FCHSD2: variants seen among roughly 807,000 people sequenced by gnomAD.
FCHSD2 encodes the protein F-BAR and double SH3 domains protein 2.
In FCHSD2, 38 loss-of-function variants were observed where a neutral mutation model predicts 108.1. The ratio of observed to expected loss-of-function variants is 0.35; its 90% CI spans 0.27 to 0.46. The LOEUF (loss-of-function observed/expected upper bound fraction) is 0.46. Ranked by LOEUF, FCHSD2 falls within the 20% of genes least tolerant of loss-of-function variation. The pLI is 1.00. For synonymous variants in FCHSD2, 279 were observed against 314.7 expected (o/e 0.89, Z 1.20); for missense variants, 751 against 897.8 (o/e 0.84, Z 2.09).
At chr11:73,074,079 G>T (rs181855206) in intron 3 of FCHSD2, among the ~76,000 whole-genome samples, 117 of 152,280 alleles carry the variant, frequency 7.7e-4, no homozygotes, top group South Asian at 6.2e-3. Context: ...TTAAAACAGT[G>T]TGATATCGGG....
intron 2 of FCHSD2, among the ~76,000 whole-genome samples, chr11:73,113,327 T>A (rs368517276): frequency 6.7e-6 from 1 of 149,810 alleles, no homozygotes; most frequent in East Asian, 2.0e-4. Context: ...CTTAGTTTGG[T>A]TGATCATCAT....
Position 72,906,904 on chromosome 11 carries a change from C to T in FCHSD2, c.829-4266G>A, listed in dbSNP as rs185411176. Among the ~76,000 whole-genome samples, 340 of 152,242 alleles carry T rather than the reference C, an allele frequency of 2.2e-3. 3 individuals are homozygous for T. Among genetic ancestry groups the T allele is most frequent in the Admixed American group, 0.012 (180 of 15,290 alleles). On this transcript the variant is annotated intron_variant, in intron 9 of 19. Transcript: ENST00000409418. ...TTTGCTTAGGATTGTCTTGGCTATG[C>T]GGGCTCTTTTTCGGTTCCATATGAA...
intron 2 of FCHSD2, among the ~76,000 whole-genome samples, chr11:73,136,284 G>T (rs1861118626): frequency 1.3e-5 from 2 of 151,670 alleles, no homozygotes; most frequent in African/African-American, 4.8e-5. Flanking sequence ...TTTTTTCAAT[G>T]ATATAAAAAC....
intron 5 of FCHSD2, among the ~76,000 whole-genome samples, chr11:72,997,575 T>C (rs1241728372): frequency 4.6e-5 from 7 of 152,204 alleles, no homozygotes; most frequent in African/African-American, 1.7e-4. Flanking sequence ...TAGAGATCAG[T>C]AGTAACATGT....
chr11:73,070,381 C>T lies in FCHSD2; in HGVS notation c.165+13314G>A, dbSNP rs186520050. Reference sequence around the variant, plus strand: ...TTGACATCCCTAGAACCTAGCATCACGCCAGTCGTAAAGTAGATACTTGAT... The same window carrying T: ...TTGACATCCCTAGAACCTAGCATCATGCCAGTCGTAAAGTAGATACTTGAT... On this transcript the variant is annotated intron_variant, in intron 3 of 19. Transcript: ENST00000409418. 4.6e-3 allele frequency among the ~76,000 whole-genome samples: 699 copies of T among 152,206 alleles called. 2 individuals are homozygous for T. The highest frequency in any genetic ancestry group is 8.4e-3 in the Non-Finnish European group (574 of 67,998).
At chr11:72,875,804 C>A (rs186333490) in intron 12 of FCHSD2, among the ~76,000 whole-genome samples, 1 of 152,294 alleles carries the variant, frequency 6.6e-6, no homozygotes, top group Non-Finnish European at 1.5e-5. Context: ...GCTAGTGGGG[C>A]ATTTGCCAAT....
chr11:73,013,966 T>C (rs888398491), intron 4 of FCHSD2, among the ~76,000 whole-genome samples: 13 of 152,128 alleles, frequency 8.5e-5, no homozygotes, highest in Non-Finnish European at 1.3e-4. Flanking sequence ...CTTCTTAGGC[T>C]GATTTCCTTA....
chr11:72,860,239 C>A (rs1027141531), intron 13 of FCHSD2, among the ~76,000 whole-genome samples: 2 of 152,168 alleles, frequency 1.3e-5, no homozygotes, highest in Non-Finnish European at 2.9e-5. Flanking sequence ...GTAAAAGGTT[C>A]GTTCCAGTCT....
chr11:72,973,235 C>A (rs1330456159), intron 8 of FCHSD2, among the ~76,000 whole-genome samples: 1 of 152,000 alleles, frequency 6.6e-6, no homozygotes, highest in Non-Finnish European at 1.5e-5. Context: ...GGTGTGGTGG[C>A]ATGTGCCTGT....
At chr11:73,052,047 T>A (rs1858915309) in intron 3 of FCHSD2, among the ~76,000 whole-genome samples, 1 of 152,162 alleles carries the variant, frequency 6.6e-6, no homozygotes, top group Non-Finnish European at 1.5e-5. Flanking sequence ...GTTAATGACA[T>A]GGAAGACCAA....
At chr11:73,117,739 G>A (rs1335746831) in intron 2 of FCHSD2, among the ~76,000 whole-genome samples, 1 of 152,150 alleles carries the variant, frequency 6.6e-6, no homozygotes, top group Non-Finnish European at 1.5e-5. Flanking sequence ...GCCGCCATTA[G>A]ATTCTGCCAC....
At chr11:73,036,288 G>A (rs1370320786) in intron 3 of FCHSD2, among the ~76,000 whole-genome samples, 3 of 150,500 alleles carry the variant, frequency 2.0e-5, no homozygotes, top group African/African-American at 7.3e-5. Context: ...TGTGTGAAGG[G>A]TAAGAAACAA....
At chr11:72,949,066 T>C (rs1856574613) in intron 8 of FCHSD2, among the ~76,000 whole-genome samples, 1 of 152,236 alleles carries the variant, frequency 6.6e-6, no homozygotes, top group Non-Finnish European at 1.5e-5. Context: ...GTTAATCATT[T>C]TAAAGTATAC....
chr11:72,912,288 C>T (rs772349410), intron 9 of FCHSD2, among the ~76,000 whole-genome samples: 1 of 152,166 alleles, frequency 6.6e-6, no homozygotes, highest in African/African-American at 2.4e-5. Flanking sequence ...GTCTGTTATA[C>T]ATGGCTTTTA....
chr11:73,071,180 G>A lies in FCHSD2; in HGVS notation c.165+12515C>T, dbSNP rs762570543. Among the ~76,000 whole-genome samples, 6 of 152,260 alleles carry A rather than the reference G, an allele frequency of 3.9e-5. 1 individual carries two copies. The highest frequency in any genetic ancestry group is 6.8e-3 in the Middle Eastern group (2 of 294). ...CTGCTCTAACTAGCTAATACCTTCT[G>A]TCATCCTGATCTCTCTACTCCCTCT... On this transcript the variant is annotated intron_variant, in intron 3 of 19. Transcript: ENST00000409418.
intron 3 of FCHSD2, among the ~76,000 whole-genome samples, chr11:73,037,336 T>C (rs1858522597): frequency 6.6e-6 from 1 of 152,176 alleles, no homozygotes; most frequent in African/African-American, 2.4e-5. Flanking sequence ...TGCTGTACAG[T>C]CTATGTGTCT....
At chr11:73,007,350 G>A (rs1408988590) in intron 4 of FCHSD2, among the ~76,000 whole-genome samples, 1 of 152,184 alleles carries the variant, frequency 6.6e-6, no homozygotes, top group African/African-American at 2.4e-5. Flanking sequence ...GCTGGGCACA[G>A]TGGCTCACGC....
chr11:72,993,993 A>G (rs1458036250), intron 5 of FCHSD2, among the ~76,000 whole-genome samples: 3 of 152,296 alleles, frequency 2.0e-5, no homozygotes, highest in South Asian at 2.1e-4. Context: ...TGTCCCTTAC[A>G]GGGACACTGG....
chr11:73,052,006 T>A (rs1354510274), intron 3 of FCHSD2, among the ~76,000 whole-genome samples: 2 of 151,910 alleles, frequency 1.3e-5, no homozygotes, highest in African/African-American at 4.8e-5. Flanking sequence ...CAATTTCCAA[T>A]GACACCATAG....
Sources: gnomAD v4.1 joint callset for allele counts (sites outside exome capture counted in the v4.1 genomes callset) on GRCh38, gnomAD v4.1.1 for gene constraint, MANE v1.5 for transcripts, NCBI Gene and HGNC (gene_info 2026-07-23, HGNC 2026-07-21) for gene names.